UBE3C: variants seen among roughly 807,000 people sequenced by gnomAD.
UBE3C encodes ubiquitin protein ligase E3C.
A neutral mutation model predicts 129.4 loss-of-function variants in UBE3C; 42 were observed. That is an observed-to-expected ratio of 0.32 (90% CI 0.25 to 0.42). The LOEUF is 0.42. Ranked by LOEUF, UBE3C falls within the 10% of genes least tolerant of loss-of-function variation. The pLI is 1.00. For synonymous variants in UBE3C, 510 were observed against 492.4 expected (o/e 1.04, Z -0.47); for missense variants, 1,049 against 1,319.1 (o/e 0.80, Z 3.17).
intron 2 of UBE3C, among the ~76,000 whole-genome samples, chr7:157,166,530 T>C (rs28842518): frequency 0.49 from 73,705 of 151,924 alleles, 20,925 homozygotes; most frequent in African/African-American, 0.8. Flanking sequence ...CACCTGAGGT[T>C]GGGAGTTCGA....
chr7:157,152,305 C>A (rs911971236), intron 1 of UBE3C, among the ~76,000 whole-genome samples: 7 of 152,160 alleles, frequency 4.6e-5, no homozygotes, highest in African/African-American at 1.7e-4. Flanking sequence ...TCAGGGAGGA[C>A]TGGAAAGCCG....
chr7:157,247,854 C>T (rs910605444), intron 18 of UBE3C, among the ~76,000 whole-genome samples: 1 of 152,174 alleles, frequency 6.6e-6, no homozygotes, highest in Non-Finnish European at 1.5e-5. Context: ...CCCCCCAAAA[C>T]TGTGCTCAAA....
chr7:157,158,614 A>G (rs928656726), intron 1 of UBE3C, among the ~76,000 whole-genome samples: 2 of 152,238 alleles, frequency 1.3e-5, no homozygotes, highest in African/African-American at 4.8e-5. Flanking sequence ...CCATTTTTAG[A>G]TAGGGACAAA....
chr7:157,150,654 T>C (rs1207885746), intron 1 of UBE3C, among the ~76,000 whole-genome samples: 2 of 152,238 alleles, frequency 1.3e-5, no homozygotes, highest in African/African-American at 2.4e-5. Context: ...ATGTCTGTCA[T>C]TAATTTATTA....
chr7:157,155,303 T>C (rs1807871964), intron 1 of UBE3C, among the ~76,000 whole-genome samples: 1 of 152,206 alleles, frequency 6.6e-6, no homozygotes, highest in African/African-American at 2.4e-5. Flanking sequence ...AGCATTATGT[T>C]AGTGCCTGAG....
At chr7:157,234,185 AATTTT>A (rs1796094457) in intron 18 of UBE3C, among the ~76,000 whole-genome samples, 1 of 147,762 alleles carries the variant, frequency 6.8e-6, no homozygotes, top group East Asian at 2.1e-4. Flanking sequence ...GAACATTTTT[AATTTT>A]GAAGTCTAAC....
chr7:157,139,998 C>T, intron 1 of UBE3C: 1 of 985,382 alleles, frequency 1.0e-6, no homozygotes, highest in Non-Finnish European at 1.2e-6. Flanking sequence ...CTGTTGTGAT[C>T]GACATTAAGT....
In UBE3C at chr7:157,248,375, A is replaced by G. The variant is rs552487335; in HGVS notation, c.2489A>G (p.Tyr830Cys). The stretch of plus-strand genomic sequence containing the variant: ...CACTGTTCTCTTTTGAAGGCTCTCT[A>G]TGAGAACATGCTGGTGGAGCTGCCC... ...FLGRMLGKAL[Y>C]ENMLVELPFA... Residue 830 changes from tyrosine to cysteine, a missense_variant, in exon 19 of 23, where the codon TAT (tyrosine) becomes TGT (cysteine). Tyr to Cys is a radical substitution (Grantham distance 194). Transcript: ENST00000348165. 21 of 1,613,238 alleles carry G rather than the reference A, an allele frequency of 1.3e-5. No individual in the cohort carries two copies. The highest frequency in any genetic ancestry group is 1.0e-4 in the Admixed American group (6 of 59,968).
At chr7:157,215,394 AAG>A (rs1350178702) in intron 13 of UBE3C, among the ~76,000 whole-genome samples, 2 of 151,446 alleles carry the variant, frequency 1.3e-5, no homozygotes, top group Admixed American at 6.6e-5. Context: ...TGGAATTTTA[AAG>A]GGAAATCTCA....
chr7:157,235,248 G>C (rs1003534006), intron 18 of UBE3C, among the ~76,000 whole-genome samples: 4 of 152,106 alleles, frequency 2.6e-5, no homozygotes, highest in African/African-American at 9.7e-5. Flanking sequence ...AGTTCTTTCT[G>C]TTAAAGTGAG....
chr7:157,226,768 TGGCC>T (rs1167910325), intron 17 of UBE3C, among the ~76,000 whole-genome samples: 1 of 151,648 alleles, frequency 6.6e-6, no homozygotes, highest in Non-Finnish European at 1.5e-5. Flanking sequence ...ATCCTTGCCA[TGGCC>T]CTCTGATGCC....
chr7:157,172,376 G>A (rs1017514690), intron 4 of UBE3C, among the ~76,000 whole-genome samples: 2 of 152,128 alleles, frequency 1.3e-5, no homozygotes, highest in Non-Finnish European at 2.9e-5. Flanking sequence ...TTGTTTATCT[G>A]TGTTAAAAAT....
chr7:157,182,288 G>C lies in UBE3C; in HGVS notation c.951G>C (p.Trp317Cys). The C allele has an allele frequency of 6.2e-7, 1 of 1,613,810 alleles. No homozygotes were observed. Among genetic ancestry groups the C allele is most frequent in the South Asian group, 1.1e-5 (1 of 90,984 alleles). Reference sequence around the variant, plus strand: ...CAAGAAAGAGTGGTGGAGCACCCTGGCTTTTCTATTTCGTTTTAACTGTTG... The same window carrying C: ...CAAGAAAGAGTGGTGGAGCACCCTGCCTTTTCTATTTCGTTTTAACTGTTG... ...RCSRKSGGAP[W>C]LFYFVLTVGE... The change falls in exon 8 of 23, where the codon TGG becomes TGC. Residue 317 changes from tryptophan to cysteine, a missense_variant. Trp to Cys is a radical substitution (Grantham distance 215). This residue lies in a region of UBE3C where 489 missense variants were observed against 513.8 expected (regional missense o/e 0.95). Coordinates refer to ENST00000348165, the MANE Select transcript of UBE3C (RefSeq NM_014671.3).
chr7:157,215,171 T>A (rs895305955), intron 13 of UBE3C, among the ~76,000 whole-genome samples: 4 of 152,220 alleles, frequency 2.6e-5, no homozygotes, highest in African/African-American at 9.6e-5. Context: ...TATGCAGTTT[T>A]ATCTGCATGA....
At chr7:157,198,813 C>T (rs1194335605) in intron 10 of UBE3C, among the ~76,000 whole-genome samples, 2 of 152,144 alleles carry the variant, frequency 1.3e-5, no homozygotes, top group South Asian at 2.1e-4. Context: ...GGATTACAGG[C>T]GTGAGCACCT....
In UBE3C at chr7:157,172,491, G is replaced by C. The variant is rs182022267; in HGVS notation, c.342+2041G>C. 2.0e-4 allele frequency among the ~76,000 whole-genome samples: 31 copies of C among 152,210 alleles called. 1 individual carries two copies. Among genetic ancestry groups the C allele is most frequent in the Middle Eastern group, 3.4e-3 (1 of 294 alleles). The stretch of plus-strand genomic sequence containing the variant: ...CTTGAATTAATTACAGCGGACAAAG[G>C]AATACATGATTATTCCTCTAGTGTT... On this transcript the variant is annotated intron_variant, in intron 4 of 22. Transcript: ENST00000348165.
Position 157,248,359 on chromosome 7 carries a change from CTT to C in UBE3C, c.2482-6_2482-5del. ...TCGATGCTAACGTTGTCACTGTTCT[CTT>C]TTGAAGGCTCTCTATGAGAACATGC... On this transcript the variant is annotated splice_polypyrimidine_tract_variant and splice_region_variant and intron_variant, in intron 18 of 22. Transcript: ENST00000348165. 1.2e-6 allele frequency: 2 copies of C among 1,611,668 alleles called. No homozygotes were observed. Among genetic ancestry groups the C allele is most frequent in the Non-Finnish European group, 1.7e-6 (2 of 1,179,426 alleles).
chr7:157,158,315 C>G (rs1404344934), intron 1 of UBE3C, among the ~76,000 whole-genome samples: 1 of 152,120 alleles, frequency 6.6e-6, no homozygotes, highest in Non-Finnish European at 1.5e-5. Flanking sequence ...TATTACATGC[C>G]AAATTCCAGT....
Position 157,267,818 on chromosome 7 carries a change from C to T in UBE3C, c.*63C>T. On this transcript the variant is annotated 3_prime_UTR_variant, in exon 23 of 23. Transcript: ENST00000348165. ...GCTTCCTTCGTCAGCAGCGCCTCCCCAGACCCACGAGGATACTCACACTGC... is the reference window on the plus strand; with the variant it reads ...GCTTCCTTCGTCAGCAGCGCCTCCCTAGACCCACGAGGATACTCACACTGC... 6.9e-7 allele frequency: 1 copy of T among 1,448,888 alleles called. No individual in the cohort carries two copies. Among genetic ancestry groups the T allele is most frequent in the Admixed American group, 2.4e-5 (1 of 40,918 alleles). 89.8% of individuals were successfully genotyped at this position (1,448,888 alleles called of 1,614,324 possible). A position where few individuals can be genotyped will look rare whatever the true frequency, so the allele number is the denominator to read the frequency against.
Sources: gnomAD v4.1 joint callset for allele counts (sites outside exome capture counted in the v4.1 genomes callset) on GRCh38, gnomAD v4.1.1 for gene constraint, gnomAD v4.1.1 regional missense constraint, MANE v1.5 for transcripts, NCBI Gene and HGNC (gene_info 2026-07-23, HGNC 2026-07-21) for gene names.